SCN9A: variants seen among roughly 807,000 people sequenced by gnomAD.
SCN9A encodes the protein sodium channel protein type 9 subunit alpha.
In SCN9A, 131 loss-of-function variants were observed where a neutral mutation model predicts 187.0. The ratio of observed to expected loss-of-function variants is 0.70; its 90% CI spans 0.61 to 0.81. The LOEUF (loss-of-function observed/expected upper bound fraction) is 0.81. Ranked by LOEUF, SCN9A falls within the 30% of genes least tolerant of loss-of-function variation. SCN9A has a pLI of 0.00. For missense variants in SCN9A, 2,252 were observed against 2,396.6 expected (o/e 0.94, Z 1.26); for synonymous variants, 809 against 808.6 (o/e 1.00, Z -0.01).
chr2:166,222,093 C>G (rs1286817600), intron 24 of SCN9A, among the ~76,000 whole-genome samples: 1 of 151,834 alleles, frequency 6.6e-6, no homozygotes, highest in Non-Finnish European at 1.5e-5. Flanking sequence ...AAAATTCAAA[C>G]AAGAGCAAAA....
At chr2:166,219,823 A>G (rs891746645) in intron 24 of SCN9A, among the ~76,000 whole-genome samples, 1 of 152,200 alleles carries the variant, frequency 6.6e-6, no homozygotes, top group Non-Finnish European at 1.5e-5. Context: ...CTTACCACAA[A>G]AAAATGATAA....
At position 166,242,640 on chromosome 2, in the gene SCN9A, G is replaced by T. The variant is rs1695618661; in HGVS notation, c.3489C>A (p.Phe1163Leu). The change falls in exon 19 of 27, where the codon TTC becomes TTA. Residue 1163 changes from phenylalanine to leucine, a missense_variant. Phe to Leu is a conservative substitution (Grantham distance 22, BLOSUM62 0). Transcript: ENST00000642356. ...ACTCTATGTTAACTTGGCAGCATGAGAACCTCCATACACAACCTGACAAGA... is the reference window on the plus strand; with the variant it reads ...ACTCTATGTTAACTTGGCAGCATGATAACCTCCATACACAACCTGACAAGA... ...ACFTDGCVWR[F>L]SCCQVNIESG... 1 of 1,550,916 alleles carries T rather than the reference G, an allele frequency of 6.4e-7. No homozygotes were observed. The highest frequency in any genetic ancestry group is 8.7e-7 in the Non-Finnish European group (1 of 1,146,316).
Position 166,303,106 on chromosome 2 carries a change from A to T in SCN9A, c.885T>A (p.Ser295Arg). ...TLESIMNTLE[S>R]EEDFRKYFYY... The stretch of plus-strand genomic sequence containing the variant: ...CATTCTTACTTCTAAAGTCTTCTTC[A>T]CTCTCTAGGGTATTCATTATGCTTT... The change falls in exon 7 of 27, where the codon AGT (serine) becomes AGA (arginine). Residue 295 changes from serine to arginine, a missense_variant. By Grantham distance (110) the Ser-to-Arg change is moderately radical. This residue lies in a region of SCN9A where 1,013 missense variants were observed against 997.4 expected (regional missense o/e 1.02). Coordinates refer to ENST00000642356, the MANE Select transcript of SCN9A (RefSeq NM_001365536.1). The T allele has an allele frequency of 6.2e-7, 1 of 1,600,802 alleles. No homozygotes were observed. Among genetic ancestry groups the T allele is most frequent in the South Asian group, 1.1e-5 (1 of 89,666 alleles).
chr2:166,356,522 T>C (rs1418150815), intron 1 of SCN9A, among the ~76,000 whole-genome samples: 3 of 152,182 alleles, frequency 2.0e-5, no homozygotes, highest in African/African-American at 7.2e-5. Flanking sequence ...CTTATATTTA[T>C]TTTTGAAGAA....
intron 1 of SCN9A, among the ~76,000 whole-genome samples, chr2:166,368,840 A>C (rs1410062311): frequency 2.0e-5 from 3 of 151,898 alleles, no homozygotes; most frequent in Admixed American, 6.6e-5. Context: ...ATACAAAATT[A>C]GCCAGGCGAG....
At chr2:166,287,273 G>A (rs1697808845) in intron 10 of SCN9A, among the ~76,000 whole-genome samples, 1 of 151,858 alleles carries the variant, frequency 6.6e-6, no homozygotes, top group African/African-American at 2.4e-5. Flanking sequence ...GAAATAATTG[G>A]TGCTAATATT....
rs1693227483 is a variant in SCN9A at position 166,195,765 on chromosome 2, T to G, written c.*2907A>C. The G allele has an allele frequency of 6.6e-6, 1 of 152,182 alleles. No individual in the cohort carries two copies. The highest frequency in any genetic ancestry group is 2.1e-4 in the South Asian group (1 of 4,832). 9.4% of individuals were successfully genotyped at this position (152,182 alleles called of 1,614,324 possible). On this transcript the variant is annotated 3_prime_UTR_variant, in exon 27 of 27. Transcript: ENST00000642356. ...CATCCGAAAGATTTGTGTTCAAACCTGTTTGGGGCATGGTGGCTCATGCCT... is the reference window on the plus strand; with the variant it reads ...CATCCGAAAGATTTGTGTTCAAACCGGTTTGGGGCATGGTGGCTCATGCCT...
At chr2:166,202,794 C>T (rs1370203712) in intron 26 of SCN9A, among the ~76,000 whole-genome samples, 1 of 151,498 alleles carries the variant, frequency 6.6e-6, no homozygotes, top group Non-Finnish European at 1.5e-5. Context: ...TTAGTGTTGG[C>T]ACATGTAATT....
Position 166,306,615 on chromosome 2 carries a change from G to A in SCN9A, c.378-16C>T. The A allele has an allele frequency of 1.3e-6, 2 of 1,504,820 alleles. No homozygotes were observed. Among genetic ancestry groups the A allele is most frequent in the Non-Finnish European group, 1.8e-6 (2 of 1,098,214 alleles). 93.2% of individuals were successfully genotyped at this position (1,504,820 alleles called of 1,614,324 possible). A position where few individuals can be genotyped will look rare whatever the true frequency, so the allele number is the denominator to read the frequency against. ...GCTGAATAAGGTAGCTTAGAATCAA[G>A]GAACAAAAGAGACGACAGTGGGAAT... On this transcript the variant is annotated splice_polypyrimidine_tract_variant and intron_variant, in intron 3 of 26. Coordinates refer to ENST00000642356, the MANE Select transcript of SCN9A (RefSeq NM_001365536.1).
intron 19 of SCN9A, among the ~76,000 whole-genome samples, chr2:166,241,276 C>T (rs3949023): frequency 0.83 from 125,491 of 152,000 alleles, 52,141 homozygotes; most frequent in East Asian, 0.94. Context: ...AATGGCTCAT[C>T]TCTGTCAGCG....
intron 1 of SCN9A, among the ~76,000 whole-genome samples, chr2:166,358,452 A>T (rs767995767): frequency 3.8e-4 from 58 of 151,790 alleles, no homozygotes; most frequent in Admixed American, 8.5e-4. Context: ...CTCAGATGCC[A>T]TTTGTGCTTT....
intron 18 of SCN9A, 145 bp from the exon 19 acceptor site, chr2:166,242,801 T>C: frequency 1.7e-6 from 1 of 576,154 alleles, no homozygotes; most frequent in Non-Finnish European, 3.0e-6. Context: ...ATAGATTTAA[T>C]TTGGATGCTG....
chr2:166,247,471 T>C (rs1393932556), intron 18 of SCN9A, among the ~76,000 whole-genome samples: 1 of 152,124 alleles, frequency 6.6e-6, no homozygotes, highest in Admixed American at 6.6e-5. Context: ...GAAAGGAAGA[T>C]GATTTGGCTT....
chr2:166,297,819 G>T (rs1240359549), intron 7 of SCN9A, among the ~76,000 whole-genome samples: 1 of 152,060 alleles, frequency 6.6e-6, no homozygotes, highest in Non-Finnish European at 1.5e-5. Flanking sequence ...AACGGCAAAG[G>T]TTGTGGGTGG....
intron 9 of SCN9A, among the ~76,000 whole-genome samples, chr2:166,289,748 A>G (rs540058555): frequency 6.6e-6 from 1 of 152,180 alleles, no homozygotes; most frequent in Admixed American, 6.5e-5. Context: ...GAACTAATTT[A>G]CACTCCTACC....
intron 18 of SCN9A, among the ~76,000 whole-genome samples, chr2:166,249,779 G>A (rs1459339545): frequency 6.6e-6 from 1 of 152,074 alleles, no homozygotes; most frequent in African/African-American, 2.4e-5. Flanking sequence ...AAGAGTTTAA[G>A]TTTTTTGAAG....
intron 21 of SCN9A, among the ~76,000 whole-genome samples, chr2:166,231,184 T>C (rs79713658): frequency 0.021 from 3,162 of 152,280 alleles, 118 homozygotes; most frequent in African/African-American, 0.073. Context: ...TAGGGGAAAG[T>C]TGTGATAGAT....
intron 6 of SCN9A, 178 bp downstream of exon 6, chr2:166,304,060 C>T (rs760733738): frequency 1.7e-5 from 28 of 1,613,274 alleles, no homozygotes; most frequent in African/African-American, 8.0e-5. Flanking sequence ...TTTCAATGCT[C>T]GGAGAACTCT....
intron 1 of SCN9A, among the ~76,000 whole-genome samples, chr2:166,336,202 T>C (rs1419569171): frequency 1.3e-5 from 2 of 152,208 alleles, no homozygotes; most frequent in African/African-American, 4.8e-5. Flanking sequence ...ATTGTAAAGA[T>C]TCTCATTTGT....
Sources: gnomAD v4.1 joint callset for allele counts (sites outside exome capture counted in the v4.1 genomes callset) on GRCh38, gnomAD v4.1.1 for gene constraint, gnomAD v4.1.1 regional missense constraint, MANE v1.5 for transcripts, NCBI Gene and HGNC (gene_info 2026-07-23, HGNC 2026-07-21) for gene names.